TTC6: variants seen among roughly 807,000 people sequenced by gnomAD.
TTC6 encodes tetratricopeptide repeat domain 6.
TTC6 carries 172 observed loss-of-function variants against 210.4 expected under a neutral mutation model. That is an observed-to-expected ratio of 0.82 (90% CI 0.72 to 0.93). The LOEUF is 0.93. Ranked by LOEUF, TTC6 falls within the 40% of genes least tolerant of loss-of-function variation. TTC6 has a pLI of 0.00. For missense variants in TTC6, 2,414 were observed against 2,318.1 expected (o/e 1.04, Z -0.85); for synonymous variants, 804 against 819.6 (o/e 0.98, Z 0.32).
intron 20 of TTC6, among the ~76,000 whole-genome samples, chr14:37,803,519 A>G (rs916208081): frequency 2.0e-5 from 3 of 152,120 alleles, no homozygotes; most frequent in Admixed American, 6.5e-5. Context: ...AAGTGAAGAC[A>G]TGTTCATTTT....
intron 1 of TTC6, among the ~76,000 whole-genome samples, chr14:37,675,040 C>T (rs1239165519): frequency 6.6e-6 from 1 of 151,870 alleles, no homozygotes; most frequent in Non-Finnish European, 1.5e-5. Context: ...TTCAAGTGCT[C>T]ATCACATCCA....
chr14:37,755,439 A>T (rs1293373707), intron 14 of TTC6, among the ~76,000 whole-genome samples: 2 of 152,198 alleles, frequency 1.3e-5, no homozygotes, highest in Non-Finnish European at 2.9e-5. Flanking sequence ...TGTTTTAGAC[A>T]TGAAGTCTTT....
At chr14:37,735,784 T>G in intron 7 of TTC6, 137 bp from the exon 10 acceptor site, 1 of 563,398 alleles carries the variant, frequency 1.8e-6, no homozygotes, top group Admixed American at 3.5e-5. Context: ...GGTAAGTGTT[T>G]TCTAGAATTA....
At chr14:37,820,104 A>G (rs1156861384) in intron 26 of TTC6, among the ~76,000 whole-genome samples, 3 of 152,348 alleles carry the variant, frequency 2.0e-5, no homozygotes, top group African/African-American at 7.2e-5. Flanking sequence ...CAGTTACTTA[A>G]CAAGGACTTC....
At chr14:37,735,991 A>G (rs1026546676) in exon 8 of TTC6, 19 of 1,531,072 alleles carry the variant, frequency 1.2e-5, no homozygotes, top group Non-Finnish European at 1.6e-5. Context: ...TTACATCAAC[A>G]TAGCAGAACA....
intron 7 of TTC6, among the ~76,000 whole-genome samples, chr14:37,733,524 A>G (rs1368814457): frequency 1.3e-5 from 2 of 152,212 alleles, no homozygotes; most frequent in East Asian, 3.8e-4. Flanking sequence ...ATGTTTTAAC[A>G]GAGTAATGAT....
rs562465402 is a variant in TTC6, at chr14:37,809,052, A to T, written c.4569+206A>T. On this transcript the variant is annotated intron_variant, in intron 24 of 30. Coordinates refer to ENST00000553443, the Ensembl canonical transcript of TTC6. Reference sequence around the variant, plus strand: ...TTCCTAGGAAATACACACATATAAAACTTAAGAAACCAAAGAACCATTTCA... The same window carrying T: ...TTCCTAGGAAATACACACATATAAATCTTAAGAAACCAAAGAACCATTTCA... Among the ~76,000 whole-genome samples the T allele has an allele frequency of 8.9e-4, 135 of 152,318 alleles. 1 individual carries two copies. In the South Asian group the frequency reaches 0.012, roughly 14 times the overall value.
chr14:37,609,407 C>A (rs2095630656), intron 2 of TTC6, among the ~76,000 whole-genome samples: 2 of 152,060 alleles, frequency 1.3e-5, no homozygotes, highest in Non-Finnish European at 2.9e-5. Context: ...CAGAGTGAGA[C>A]CCTGTCTCAA....
chr14:37,697,972 G>C (rs1202418146), intron 4 of TTC6, among the ~76,000 whole-genome samples: 1 of 151,978 alleles, frequency 6.6e-6, no homozygotes, highest in Non-Finnish European at 1.5e-5. Context: ...TGTTTAAGAA[G>C]AGTGTGCTAT....
At chr14:37,782,058 C>A (rs999009973) in intron 14 of TTC6, among the ~76,000 whole-genome samples, 11 of 152,144 alleles carry the variant, frequency 7.2e-5, no homozygotes, top group Non-Finnish European at 1.0e-4. Context: ...AGTCAGGTAG[C>A]GTGATGCCTC....
At chr14:37,733,299 CT>C (rs1015614261) in intron 7 of TTC6, among the ~76,000 whole-genome samples, 1 of 152,054 alleles carries the variant, frequency 6.6e-6, no homozygotes, top group Middle Eastern at 3.4e-3. Context: ...ATATTTATCT[CT>C]TTTTTTGGCT....
At chr14:37,837,312 AT>A (rs1282679406) in intron 29 of TTC6, 1 of 425,214 alleles carries the variant, frequency 2.4e-6, no homozygotes, top group East Asian at 7.3e-5. Context: ...TGAAGTCTAA[AT>A]TACTTTAGGA....
chr14:37,651,750 A>T, intron 1 of TTC6, among the ~76,000 whole-genome samples: 1 of 151,916 alleles, frequency 6.6e-6, no homozygotes, highest in Non-Finnish European at 1.5e-5. Context: ...TGCTCCTGTG[A>T]GTAGCCACTG....
upstream of TTC6, among the ~76,000 whole-genome samples, chr14:37,620,507 C>T (rs2095649503): frequency 6.6e-6 from 1 of 152,134 alleles, no homozygotes; most frequent in Non-Finnish European, 1.5e-5. Context: ...ATTACTCTTG[C>T]CCCTCCCGCC....
rs2095849624 is a variant in TTC6, at chr14:37,714,650, T to C, written c.1572-5T>C. ...AGCAAACTTATTGTTCTTATCACAT[T>C]GTAGAATATTGTATGGAATTCCTGT... On this transcript the variant is annotated splice_polypyrimidine_tract_variant and splice_region_variant and intron_variant, in intron 5 of 30. Coordinates refer to ENST00000553443, the Ensembl canonical transcript of TTC6. 1 of 1,533,144 alleles carries C rather than the reference T, an allele frequency of 6.5e-7. No homozygotes were observed. The highest frequency in any genetic ancestry group is 1.4e-5 in the African/African-American group (1 of 72,850). 95.0% of individuals were successfully genotyped at this position (1,533,144 alleles called of 1,614,324 possible).
rs1229012977 is a variant in TTC6 at position 37,807,434 on chromosome 14, A to G, written c.4429A>G (p.Arg1477Gly). Residue 1477 changes from arginine (R) to glycine (G), a missense_variant, in exon 23 of 31, where the codon AGA becomes GGA. Coordinates refer to ENST00000553443, the Ensembl canonical transcript of TTC6. ...TGAAAGCGTACGTGCCTATCTCTACAGAGGAGTTCTGAAATACTACAACAA... is the reference window on the plus strand; with the variant it reads ...TGAAAGCGTACGTGCCTATCTCTACGGAGGAGTTCTGAAATACTACAACAA... The G allele has an allele frequency of 3.3e-6, 5 of 1,515,756 alleles. No individual in the cohort carries two copies. The South Asian group carries it at 6.2e-5, about 19-fold the overall frequency. The allele number at this position is 1,515,756 out of a possible 1,614,324, so 93.9% of individuals were successfully genotyped here.
At chr14:37,737,771 A>T in intron 9 of TTC6, 37 bp downstream of exon 11, 1 of 1,145,470 alleles carries the variant, frequency 8.7e-7, no homozygotes. Context: ...TCTAAAAGAA[A>T]CATTTATATT....
At position 37,749,548 on chromosome 14, in the gene TTC6, GTAAT is replaced by G. The variant is rs1487816709; in HGVS notation, c.2826+152_2826+155del. 2.9e-5 allele frequency: 31 copies of G among 1,087,438 alleles called. No homozygotes were observed. In the East Asian group the frequency reaches 7.5e-4, roughly 26 times the overall value. The allele number at this position is 1,087,438 out of a possible 1,614,324, so 67.4% of individuals were successfully genotyped here. On this transcript the variant is annotated intron_variant, in intron 11 of 30. Coordinates refer to ENST00000553443, the Ensembl canonical transcript of TTC6. The stretch of plus-strand genomic sequence containing the variant: ...ACAGTATAATTATTTGCATTTTCAA[GTAAT>G]TAATATTAAAAACATGATTTTTGTT...
chr14:37,799,208 C>T (rs1465467633), intron 20 of TTC6, among the ~76,000 whole-genome samples: 1 of 152,066 alleles, frequency 6.6e-6, no homozygotes, highest in Non-Finnish European at 1.5e-5. Flanking sequence ...CCTATTTTTT[C>T]TCCCTGGGCA....
Sources: allele counts gnomAD v4.1 joint callset (sites outside exome capture counted in the v4.1 genomes callset), GRCh38; gene constraint gnomAD v4.1.1; transcripts MANE v1.5; gene names NCBI Gene and HGNC (gene_info 2026-07-23, HGNC 2026-07-21).